EYS: variants seen among roughly 807,000 people sequenced by gnomAD.
EYS encodes the protein protein eyes shut homolog.
In EYS, 250 loss-of-function variants were observed where a neutral mutation model predicts 282.1. The ratio of observed to expected loss-of-function variants is 0.89; its 90% CI spans 0.80 to 0.98. The LOEUF (loss-of-function observed/expected upper bound fraction) is 0.98, where lower values mean the gene tolerates loss of function less well. Ranked by LOEUF, EYS falls within the 50% of genes least tolerant of loss-of-function variation. The probability of loss-of-function intolerance (pLI) is 0.00; values close to 1 mark genes in which losing one functional copy is unlikely to be tolerated. For missense variants in EYS, 4,016 were observed against 3,709.0 expected (o/e 1.08, Z -2.15); for synonymous variants, 1,355 against 1,282.9 (o/e 1.06, Z -1.20).
At chr6:64,359,645 A>G (rs1241114057) in intron 29 of EYS, among the ~76,000 whole-genome samples, 4 of 151,724 alleles carry the variant, frequency 2.6e-5, no homozygotes, top group Non-Finnish European at 5.9e-5. Context: ...TTGGGGTGCC[A>G]GTGAATTCGG....
intron 2 of EYS, among the ~76,000 whole-genome samples, chr6:65,508,947 C>T (rs184327472): frequency 1.3e-5 from 2 of 152,238 alleles, no homozygotes; most frequent in East Asian, 3.9e-4. Context: ...GAGGAAAAGC[C>T]TCTGAAAGTG....
chr6:64,068,146 A>ATTTGG (rs1180110772), intron 32 of EYS, among the ~76,000 whole-genome samples: 1 of 152,166 alleles, frequency 6.6e-6, no homozygotes, highest in Non-Finnish European at 1.5e-5. Context: ...TAGCCTTATC[A>ATTTGG]TTTGGTATGG....
chr6:64,418,382 T>C (rs542033178), intron 28 of EYS, among the ~76,000 whole-genome samples: 3 of 152,344 alleles, frequency 2.0e-5, no homozygotes, highest in African/African-American at 7.2e-5. Flanking sequence ...TTCTATGCTA[T>C]TTCTTATAGG....
At chr6:65,086,863 C>T (rs1016835522) in intron 12 of EYS, among the ~76,000 whole-genome samples, 6 of 151,248 alleles carry the variant, frequency 4.0e-5, no homozygotes, top group South Asian at 2.1e-4. Context: ...CTTGCTCTGT[C>T]GCCAGGCTGG....
chr6:63,760,670 A>G (rs1769612152), intron 41 of EYS, among the ~76,000 whole-genome samples: 1 of 151,120 alleles, frequency 6.6e-6, no homozygotes, highest in African/African-American at 2.4e-5. Context: ...CTATCTATCT[A>G]TCTATCTATC....
At chr6:65,220,625 T>C (rs1239384115) in intron 12 of EYS, among the ~76,000 whole-genome samples, 2 of 152,142 alleles carry the variant, frequency 1.3e-5, no homozygotes, top group Admixed American at 1.3e-4. Flanking sequence ...AGGATGAGAA[T>C]GAACTAATAT....
At chr6:65,469,916 T>G (rs1765146584) in intron 5 of EYS, among the ~76,000 whole-genome samples, 1 of 152,178 alleles carries the variant, frequency 6.6e-6, no homozygotes, top group Non-Finnish European at 1.5e-5. Context: ...TGACTTAAAA[T>G]CATATCAAAG....
chr6:64,574,647 TAAAAC>T (rs1424357071), intron 26 of EYS, among the ~76,000 whole-genome samples: 1 of 152,138 alleles, frequency 6.6e-6, no homozygotes, highest in Non-Finnish European at 1.5e-5. Flanking sequence ...TGCTCACAGT[TAAAAC>T]AAAAATAAAC....
chr6:64,343,510 G>A (rs1051616181), intron 29 of EYS, among the ~76,000 whole-genome samples: 1 of 151,954 alleles, frequency 6.6e-6, no homozygotes, highest in Admixed American at 6.6e-5. Flanking sequence ...TGAAACCAAC[G>A]AGAACAAAGA....
chr6:64,183,153 C>T (rs1257223801), intron 31 of EYS, among the ~76,000 whole-genome samples: 1 of 152,122 alleles, frequency 6.6e-6, no homozygotes, highest in Non-Finnish European at 1.5e-5. Context: ...CCTCCTGCCA[C>T]GATGTGAAGA....
intron 22 of EYS, among the ~76,000 whole-genome samples, chr6:64,653,604 C>A (rs1316174044): frequency 6.6e-6 from 1 of 151,838 alleles, no homozygotes; most frequent in Non-Finnish European, 1.5e-5. Flanking sequence ...GGTTCTTGTT[C>A]CCCAGGCTGG....
At chr6:65,603,983 T>C in intron 2 of EYS, among the ~76,000 whole-genome samples, 1 of 151,936 alleles carries the variant, frequency 6.6e-6, no homozygotes, top group Middle Eastern at 3.2e-3. Context: ...TTGATTTGAA[T>C]GACTTCTTTT....
chr6:64,597,009 A>G (rs1766606835), intron 24 of EYS, among the ~76,000 whole-genome samples: 1 of 152,164 alleles, frequency 6.6e-6, no homozygotes, highest in South Asian at 2.1e-4. Flanking sequence ...CAAACAACTC[A>G]ACAACAATAA....
intron 35 of EYS, among the ~76,000 whole-genome samples, chr6:63,907,361 G>A (rs1773802841): frequency 6.6e-6 from 1 of 152,132 alleles, no homozygotes; most frequent in African/African-American, 2.4e-5. Context: ...CTGTGGGAGT[G>A]AGGGGATTGC....
At position 64,959,693 on chromosome 6, in the gene EYS, A is replaced by G. The variant is rs1317944379; in HGVS notation, c.2260-13779T>C. ...ACTCTTTCAATTCTAAAATGATTAT[A>G]TTTTTATTGCCTTATTTATAGTTTC... On this transcript the variant is annotated intron_variant, in intron 14 of 42. Coordinates refer to ENST00000503581, the MANE Select transcript of EYS (RefSeq NM_001142800.2). 2.6e-5 allele frequency among the ~76,000 whole-genome samples: 4 copies of G among 152,230 alleles called. No individual in the cohort carries two copies. The East Asian group carries it at 7.7e-4, about 29-fold the overall frequency.
chr6:65,702,346 G>A (rs1769707261), intron 1 of EYS, among the ~76,000 whole-genome samples: 1 of 152,176 alleles, frequency 6.6e-6, no homozygotes. Context: ...CTAATTTGAT[G>A]ATTGGCTTAC....
intron 13 of EYS, among the ~76,000 whole-genome samples, chr6:65,032,707 T>A (rs1393325783): frequency 6.6e-6 from 1 of 151,998 alleles, no homozygotes; most frequent in Non-Finnish European, 1.5e-5. Context: ...TACCCAGTCT[T>A]GGGTTCTTTT....
chr6:65,231,039 C>A (rs1190215043), intron 12 of EYS, among the ~76,000 whole-genome samples: 5 of 108,242 alleles, frequency 4.6e-5, no homozygotes, highest in Non-Finnish European at 8.1e-5. Context: ...CACTTGTACC[C>A]CAAAATTAAA....
At chr6:64,936,822 C>A (rs536166053) in intron 15 of EYS, among the ~76,000 whole-genome samples, 1 of 151,188 alleles carries the variant, frequency 6.6e-6, no homozygotes, top group African/African-American at 2.4e-5. Context: ...CAGAAAGTAA[C>A]AAGCTGATAC....
Sources: gnomAD v4.1 joint callset for allele counts (sites outside exome capture counted in the v4.1 genomes callset) on GRCh38, gnomAD v4.1.1 for gene constraint, MANE v1.5 for transcripts, NCBI Gene and HGNC (gene_info 2026-07-23, HGNC 2026-07-21) for gene names.